Variants in FAM13A observed in about 807,000 individuals in gnomAD.
The protein encoded by FAM13A is family with sequence similarity 13 member A, also known as protein FAM13A.
Under a neutral mutation model 129.6 loss-of-function variants are expected in FAM13A, and 76 were observed. That is an observed-to-expected ratio of 0.59 (90% confidence interval 0.49 to 0.71). The LOEUF (loss-of-function observed/expected upper bound fraction) is 0.71. Among genes scored for constraint, FAM13A ranks in the 30% least tolerant of loss-of-function variants. The pLI, the probability that FAM13A is intolerant of heterozygous loss-of-function variation, is 0.00. For missense variants in FAM13A, 1,108 were observed against 1,249.3 expected (o/e 0.89, Z 1.70); for synonymous variants, 443 against 449.9 (o/e 0.98, Z 0.20).
chr4:88,895,477 C>T (rs1379618624), intron 6 of FAM13A, among the ~76,000 whole-genome samples: 4 of 150,390 alleles, frequency 2.7e-5, no homozygotes, highest in South Asian at 4.2e-4. Flanking sequence ...TCAGAGTGAA[C>T]AGGCAACCTA....
chr4:89,053,405 A>G (rs1473457698), intron 1 of FAM13A, among the ~76,000 whole-genome samples: 3 of 152,198 alleles, frequency 2.0e-5, no homozygotes, highest in African/African-American at 4.8e-5. Flanking sequence ...GTCAAAGAAG[A>G]TAAACCTAAC....
Position 89,057,010 on chromosome 4 carries a change from T to G in FAM13A, c.-46A>C. On this transcript the variant is annotated 5_prime_UTR_variant, in exon 1 of 24. Coordinates refer to ENST00000264344, the MANE Select transcript of FAM13A (RefSeq NM_014883.4). ...AGAACTGAGGAAGACCAGACGAAAA[T>G]ATTAAAACGACAGCAAAATACTAAA... 6.2e-7 allele frequency: 1 copy of G among 1,608,382 alleles called. No individual in the cohort carries two copies. The highest frequency in any genetic ancestry group is 1.1e-5 in the South Asian group (1 of 90,138).
intron 22 of FAM13A, 43 bp from the exon 23 acceptor site, chr4:88,731,471 A>G (rs745819891): frequency 5.7e-6 from 7 of 1,226,192 alleles, no homozygotes; most frequent in Non-Finnish European, 8.2e-6. Flanking sequence ...GTTAAATTTG[A>G]GTTGTCATAA....
chr4:88,983,803 C>A (rs902588532), intron 4 of FAM13A, among the ~76,000 whole-genome samples: 9 of 151,994 alleles, frequency 5.9e-5, no homozygotes, highest in African/African-American at 2.2e-4. Flanking sequence ...ACAAACTGAT[C>A]CTAAAATTTG....
intron 5 of FAM13A, among the ~76,000 whole-genome samples, chr4:88,932,795 C>A (rs918394368): frequency 3.9e-5 from 6 of 152,198 alleles, no homozygotes; most frequent in African/African-American, 1.4e-4. Flanking sequence ...AATGTGGGCA[C>A]TTCCTTCGAA....
rs923363621 is a variant in FAM13A, at chr4:88,850,556, CA to C, written c.1007+463del. 3.4e-4 allele frequency among the ~76,000 whole-genome samples: 49 copies of C among 145,524 alleles called. No homozygotes were observed. The South Asian group carries it at 7.1e-3, about 21-fold the overall frequency. On this transcript the variant is annotated intron_variant, in intron 7 of 23. Coordinates refer to ENST00000264344, the MANE Select transcript of FAM13A (RefSeq NM_014883.4). ...TGGGCAACACAGCGAGACTGTGTCT[CA>C]AAAAAAAAAATTGCAGTTTTTTTTC...
At chr4:89,046,637 C>T (rs141637271) in intron 1 of FAM13A, among the ~76,000 whole-genome samples, 2,238 of 152,212 alleles carry the variant, frequency 0.015, 59 homozygotes, top group African/African-American at 0.051. Context: ...ACTGCTTGAG[C>T]CCAGGAGTGC....
At chr4:88,880,230 C>A (rs760437094) in intron 6 of FAM13A, among the ~76,000 whole-genome samples, 1 of 152,084 alleles carries the variant, frequency 6.6e-6, no homozygotes, top group Non-Finnish European at 1.5e-5. Context: ...CTGCTGTAGG[C>A]TCCAGGAGAC....
chr4:88,920,621 G>A (rs908319108), intron 5 of FAM13A, among the ~76,000 whole-genome samples: 11 of 152,180 alleles, frequency 7.2e-5, no homozygotes, highest in East Asian at 1.9e-4. Context: ...CAGAAAAACC[G>A]GAAACTCTAA....
chr4:88,961,655 C>T (rs186653185), intron 4 of FAM13A, among the ~76,000 whole-genome samples: 59 of 152,152 alleles, frequency 3.9e-4, no homozygotes, highest in African/African-American at 1.3e-3. Flanking sequence ...GCGTGAGCCA[C>T]CTTGTCTGGC....
chr4:88,855,212 C>T lies in FAM13A; in HGVS notation c.844-4029G>A, dbSNP rs550172951. On this transcript the variant is annotated intron_variant, in intron 6 of 23. Transcript: ENST00000264344. Reference sequence around the variant, plus strand: ...ATTCATACTACCTACCATAATGCAACGATTTTCTTTTTTCTTTTTTGGGTA... The same window carrying T: ...ATTCATACTACCTACCATAATGCAATGATTTTCTTTTTTCTTTTTTGGGTA... Among the ~76,000 whole-genome samples the T allele has an allele frequency of 7.2e-5, 11 of 152,098 alleles. No individual in the cohort carries two copies. The East Asian group carries it at 1.9e-3, about 27-fold the overall frequency.
intron 4 of FAM13A, among the ~76,000 whole-genome samples, chr4:88,961,652 C>A (rs1220191258): frequency 6.6e-6 from 1 of 152,034 alleles, no homozygotes; most frequent in Non-Finnish European, 1.5e-5. Flanking sequence ...CACGCGTGAG[C>A]CACCTTGTCT....
chr4:88,940,798 C>T (rs2148823983), intron 4 of FAM13A, among the ~76,000 whole-genome samples: 1 of 152,254 alleles, frequency 6.6e-6, no homozygotes, highest in East Asian at 1.9e-4. Context: ...GCCATTGTAG[C>T]ATGAGATGGA....
chr4:88,983,915 T>C (rs575173335), intron 4 of FAM13A, among the ~76,000 whole-genome samples: 87 of 152,310 alleles, frequency 5.7e-4, no homozygotes, highest in African/African-American at 2.0e-3. Flanking sequence ...TAAAAAGCTA[T>C]AGAATTATCA....
chr4:88,963,730 G>C (rs899152288), intron 4 of FAM13A, among the ~76,000 whole-genome samples: 16 of 152,196 alleles, frequency 1.1e-4, no homozygotes, highest in African/African-American at 3.6e-4. Context: ...ATAGCTCCTT[G>C]TTTATATATT....
chr4:88,894,671 G>A (rs1328881486), intron 6 of FAM13A, among the ~76,000 whole-genome samples: 1 of 152,028 alleles, frequency 6.6e-6, no homozygotes, highest in African/African-American at 2.4e-5. Flanking sequence ...ACAGGCATGC[G>A]CCACCATGGC....
At chr4:88,915,913 G>C (rs1750037230) in intron 5 of FAM13A, among the ~76,000 whole-genome samples, 1 of 152,140 alleles carries the variant, frequency 6.6e-6, no homozygotes. Flanking sequence ...GCACATGCCA[G>C]CTCCCCTTCC....
At chr4:88,850,972 G>A in intron 7 of FAM13A, 48 bp downstream of exon 7, 1 of 1,576,742 alleles carries the variant, frequency 6.3e-7, no homozygotes, top group Non-Finnish European at 8.7e-7. Context: ...CTAAACATAA[G>A]AGCGAATAAT....
intron 3 of FAM13A, among the ~76,000 whole-genome samples, chr4:89,001,604 G>C (rs186071592): frequency 6.6e-5 from 10 of 152,294 alleles, no homozygotes; most frequent in African/African-American, 2.4e-4. Context: ...TCATATGCTT[G>C]TTATGGAGTT....
Sources: gnomAD v4.1 joint callset for allele counts (sites outside exome capture counted in the v4.1 genomes callset) on GRCh38, gnomAD v4.1.1 for gene constraint, MANE v1.5 for transcripts, NCBI Gene and HGNC (gene_info 2026-07-23, HGNC 2026-07-21) for gene names.